Variants in STX11 observed in about 807,000 individuals in gnomAD.
STX11 encodes syntaxin-11.
STX11 carries 21 observed loss-of-function variants against 19.9 expected under a neutral mutation model. The observed-to-expected ratio is 1.06, with a 90% CI of 0.75 to 1.52. The LOEUF (loss-of-function observed/expected upper bound fraction) is 1.52. STX11 is among the 40% of genes most tolerant of loss of function. STX11 has a pLI of 0.00. For missense variants in STX11, 438 were observed against 405.9 expected (o/e 1.08, Z -0.68); for synonymous variants, 193 against 174.4 (o/e 1.11, Z -0.84).
Position 144,188,160 on chromosome 6 carries a change from G to T in STX11, c.*669G>T. 4.2e-6 allele frequency: 1 copy of T among 238,924 alleles called. No individual in the cohort carries two copies. 14.8% of individuals were successfully genotyped at this position (238,924 alleles called of 1,614,324 possible). ...ATTTTTCCAAACATTTTTAAGCACT[G>T]AATATCGAACAAGCACTCAAATTGA... On this transcript the variant is annotated 3_prime_UTR_variant, in exon 2 of 2. Transcript: ENST00000367568.
chr6:144,140,445 G>A, the STX11 span, among the ~76,000 whole-genome samples: 1 of 151,350 alleles, frequency 6.6e-6, no homozygotes, highest in Non-Finnish European at 1.5e-5. Flanking sequence ...AGTAGAGATG[G>A]GGTTTCGCCG....
chr6:144,143,550 T>C, the STX11 span, among the ~76,000 whole-genome samples: 1 of 151,898 alleles, frequency 6.6e-6, no homozygotes, highest in Admixed American at 6.6e-5. Context: ...CTTAGAGGAA[T>C]TGGGGCCTTT....
In STX11 at chr6:144,183,018, C is replaced by T. The variant is rs183742974; in HGVS notation, c.-5-3605C>T. Among the ~76,000 whole-genome samples, 21 of 152,316 alleles carry T rather than the reference C, an allele frequency of 1.4e-4. No homozygotes were observed. In the East Asian group the frequency reaches 3.7e-3, roughly 27 times the overall value. On this transcript the variant is annotated intron_variant, in intron 1 of 1. Coordinates refer to ENST00000367568, the MANE Select transcript of STX11 (RefSeq NM_003764.4). The surrounding 1 kb of genome is among the most constrained non-coding windows in gnomAD (Gnocchi z 4.6). ...TGTTAACTTGATTGCCATGCATAGA[C>T]TTTTAAAAGTTGCTAAGGAGTTAGT...
the STX11 span, chr6:144,140,799 T>G: frequency 2.4e-5 from 24 of 985,382 alleles, no homozygotes; most frequent in Middle Eastern, 1.0e-3. Context: ...AAGCCAGATC[T>G]CAGCCCCAAA....
intron 1 of STX11, among the ~76,000 whole-genome samples, chr6:144,173,217 G>A (rs1801689139): frequency 6.6e-6 from 1 of 152,206 alleles, no homozygotes; most frequent in Non-Finnish European, 1.5e-5. Context: ...GGTTGTGTGT[G>A]TGCTTTTTAG....
At chr6:144,171,666 CAG>C (rs1801639809) in intron 1 of STX11, among the ~76,000 whole-genome samples, 1 of 152,090 alleles carries the variant, frequency 6.6e-6, no homozygotes, top group African/African-American at 2.4e-5. Flanking sequence ...ACAGCTTTTG[CAG>C]AGTCTTTGTG....
At position 144,160,305 on chromosome 6, in the gene STX11, C is replaced by T. The variant is rs1801302530; in HGVS notation, c.-6+9602C>T. Among the ~76,000 whole-genome samples the T allele has an allele frequency of 6.6e-6, 1 of 152,108 alleles. No homozygotes were observed. Among genetic ancestry groups the T allele is most frequent in the African/African-American group, 2.4e-5 (1 of 41,408 alleles). On this transcript the variant is annotated intron_variant, in intron 1 of 1. Coordinates refer to ENST00000367568, the MANE Select transcript of STX11 (RefSeq NM_003764.4). This position sits in a 1 kb window ranked among gnomAD's most constrained non-coding sequence, Gnocchi z 4.3. ...ACAGGAGTGAGCCACTGTGCCTGGC[C>T]TTTTTAAAAATTATTTTTGTACCTC...
At position 144,189,795 on chromosome 6, in the gene STX11, T is replaced by A. The variant is rs1802168358; in HGVS notation, c.*2304T>A. Among the ~76,000 whole-genome samples the A allele has an allele frequency of 6.6e-6, 1 of 152,218 alleles. No individual in the cohort carries two copies. Among genetic ancestry groups the A allele is most frequent in the Non-Finnish European group, 1.5e-5 (1 of 68,032 alleles). Reference sequence around the variant, plus strand: ...AGGCTATTCTCATATTTCTCCCAATTTCTTTTTCAGCCAACTCCAAGGATA... The same window carrying A: ...AGGCTATTCTCATATTTCTCCCAATATCTTTTTCAGCCAACTCCAAGGATA... On this transcript the variant is annotated 3_prime_UTR_variant, in exon 2 of 2. Coordinates refer to ENST00000367568, the MANE Select transcript of STX11 (RefSeq NM_003764.4).
Position 144,156,014 on chromosome 6 carries a change from CTCT to C in STX11, c.-6+5312_-6+5314del, listed in dbSNP as rs1562655606. 4.8e-3 allele frequency among the ~76,000 whole-genome samples: 557 copies of C among 114,870 alleles called. 16 individuals are homozygous for C. The highest frequency in any genetic ancestry group is 0.024 in the African/African-American group (470 of 19,714). The allele number at this position is 114,870 out of a possible 152,430, so 75.4% of individuals were successfully genotyped here. A position where few individuals can be genotyped will look rare whatever the true frequency, so the allele number is the denominator to read the frequency against. On this transcript the variant is annotated intron_variant, in intron 1 of 1. Coordinates refer to ENST00000367568, the MANE Select transcript of STX11 (RefSeq NM_003764.4). ...TCTTTCTTTCTTTCTTTCTTTCTTT[CTCT>C]CTTTCTCTCCTTCCTTCCTTCCTTC...
rs1802210150 is a variant in STX11 at position 144,191,665 on chromosome 6, T to A, written c.*4174T>A. Among the ~76,000 whole-genome samples, 1 of 152,252 alleles carries A rather than the reference T, an allele frequency of 6.6e-6. No homozygotes were observed. Among genetic ancestry groups the A allele is most frequent in the African/African-American group, 2.4e-5 (1 of 41,454 alleles). ...AGTATCTCCAACTGCAGCATGCAACTCATTCATTTGTAATCAAGACGATAG... is the reference window on the plus strand; with the variant it reads ...AGTATCTCCAACTGCAGCATGCAACACATTCATTTGTAATCAAGACGATAG... On this transcript the variant is annotated 3_prime_UTR_variant, in exon 2 of 2. Transcript: ENST00000367568.
chr6:144,187,590 A>G lies in STX11; in HGVS notation c.*99A>G, dbSNP rs1584064218. On this transcript the variant is annotated 3_prime_UTR_variant, in exon 2 of 2. Transcript: ENST00000367568. The surrounding 1 kb of genome is among the most constrained non-coding windows in gnomAD (Gnocchi z 5.6). ...CTCTGCCCTGCAGGGAGTTGCCCCAACCCTTTCCGGAACTCAGTCTTTAGA... is the reference window on the plus strand; with the variant it reads ...CTCTGCCCTGCAGGGAGTTGCCCCAGCCCTTTCCGGAACTCAGTCTTTAGA... The G allele has an allele frequency of 2.0e-6, 3 of 1,499,064 alleles. No homozygotes were observed. Among genetic ancestry groups the G allele is most frequent in the African/African-American group, 1.4e-5 (1 of 71,922 alleles). The allele number at this position is 1,499,064 out of a possible 1,614,324, so 92.9% of individuals were successfully genotyped here. A position where few individuals can be genotyped will look rare whatever the true frequency, so the allele number is the denominator to read the frequency against.
the STX11 span, among the ~76,000 whole-genome samples, chr6:144,141,918 G>T: frequency 6.6e-6 from 1 of 152,024 alleles, no homozygotes; most frequent in Non-Finnish European, 1.5e-5. Flanking sequence ...CTGGGCTCAA[G>T]CACTCTGCCC....
In STX11 at chr6:144,160,286, G is replaced by A. The variant is rs548158236; in HGVS notation, c.-6+9583G>A. 1.1e-4 allele frequency among the ~76,000 whole-genome samples: 16 copies of A among 152,274 alleles called. No individual in the cohort carries two copies. Among genetic ancestry groups the A allele is most frequent in the Non-Finnish European group, 1.8e-4 (12 of 68,014 alleles). ...CTACCAAAGTGCTGGGATTACAGGA[G>A]TGAGCCACTGTGCCTGGCCTTTTTA... is the stretch of plus-strand genomic sequence containing the variant. On this transcript the variant is annotated intron_variant, in intron 1 of 1. Coordinates refer to ENST00000367568, the MANE Select transcript of STX11 (RefSeq NM_003764.4). The surrounding 1 kb of genome is among the most constrained non-coding windows in gnomAD (Gnocchi z 4.3).
rs558080108 is a variant in STX11, at chr6:144,161,957, T to TA, written c.-6+11255dup. On this transcript the variant is annotated intron_variant, in intron 1 of 1. Coordinates refer to ENST00000367568, the MANE Select transcript of STX11 (RefSeq NM_003764.4). ...ATCTTCTATTTTTCTGCCTGTAAGA[T>TA]ATAGCTCAGTGTGCTGGTAAGTAGG... 1.6e-4 allele frequency among the ~76,000 whole-genome samples: 24 copies of TA among 152,318 alleles called. 1 individual carries two copies. The East Asian group carries it at 4.4e-3, about 28-fold the overall frequency.
Position 144,170,882 on chromosome 6 carries a change from C to G in STX11, c.-5-15741C>G, listed in dbSNP as rs1354377354. On this transcript the variant is annotated intron_variant, in intron 1 of 1. Coordinates refer to ENST00000367568, the MANE Select transcript of STX11 (RefSeq NM_003764.4). The surrounding 1 kb of genome is among the most constrained non-coding windows in gnomAD (Gnocchi z 4.7). ...AGGTAACATATACAAAGTGCTCACT[C>G]TCTGCCAGGTGCTAGTCTTAAGAGC... 2.0e-5 allele frequency among the ~76,000 whole-genome samples: 3 copies of G among 152,190 alleles called. No homozygotes were observed. The highest frequency in any genetic ancestry group is 4.4e-5 in the Non-Finnish European group (3 of 68,030).
rs547021613 is a variant in STX11, at chr6:144,165,190, C to T, written c.-6+14487C>T. Among the ~76,000 whole-genome samples the T allele has an allele frequency of 4.6e-5, 7 of 152,130 alleles. No homozygotes were observed. Among genetic ancestry groups the T allele is most frequent in the African/African-American group, 7.2e-5 (3 of 41,516 alleles). On this transcript the variant is annotated intron_variant, in intron 1 of 1. Transcript: ENST00000367568. The surrounding 1 kb of genome is among the most constrained non-coding windows in gnomAD (Gnocchi z 5.8). The stretch of plus-strand genomic sequence containing the variant: ...ATTTTCTTGGCCGGGCGCGGTGGCT[C>T]ACGCCTGTAATCCCAGCACTTTGGG...
chr6:144,187,035 C>T lies in STX11; in HGVS notation c.408C>T (p.Thr136=), dbSNP rs780418852. The T allele has an allele frequency of 1.9e-6, 3 of 1,612,602 alleles. No individual in the cohort carries two copies. Among genetic ancestry groups the T allele is most frequent in the African/African-American group, 1.3e-5 (1 of 74,950 alleles). The stretch of plus-strand genomic sequence containing the variant: ...CGCGGGCGCAGTACAACGCGCTCAC[C>T]CTCACCTTCCAGCGCGCCATGCACG... ...RISRAQYNAL[T]LTFQRAMHDY... Residue 136 remains threonine (T), a synonymous_variant, in exon 2 of 2, where the codon ACC becomes ACT. Coordinates refer to ENST00000367568, the MANE Select transcript of STX11 (RefSeq NM_003764.4). This position sits in a 1 kb window ranked among gnomAD's most constrained non-coding sequence, Gnocchi z 5.6.
chr6:144,141,034 A>T, the STX11 span, among the ~76,000 whole-genome samples: 1 of 152,226 alleles, frequency 6.6e-6, no homozygotes, highest in African/African-American at 2.4e-5. Context: ...TTTCCGTTTC[A>T]CTTTTATCTG....
intron 1 of STX11, among the ~76,000 whole-genome samples, chr6:144,178,816 T>A (rs1434132935): frequency 1.3e-5 from 2 of 152,052 alleles, no homozygotes; most frequent in East Asian, 3.9e-4. Flanking sequence ...TCTTGCCCAA[T>A]GCACTTTAAG....
Sources: gnomAD v4.1 joint callset for allele counts (sites outside exome capture counted in the v4.1 genomes callset) on GRCh38, gnomAD v4.1.1 for gene constraint, Gnocchi (gnomAD v3.1) non-coding constraint, MANE v1.5 for transcripts, NCBI Gene and HGNC (gene_info 2026-07-23, HGNC 2026-07-21) for gene names.